The following SPMAP2L variants were observed in gnomAD, a reference collection of about 807,000 sequenced individuals.
SPMAP2L encodes the protein sperm microtubule associated protein 2-like.
chr4:56,594,708 T>C, the SPMAP2L span: 1 of 1,393,484 alleles, frequency 7.2e-7, no homozygotes, highest in Non-Finnish European at 1.0e-6. Flanking sequence ...CTCAAGGCCA[T>C]GGTGGATAAG....
chr4:56,584,220 A>G, the SPMAP2L span, among the ~76,000 whole-genome samples: 1 of 151,818 alleles, frequency 6.6e-6, no homozygotes, highest in African/African-American at 2.4e-5. Context: ...TCCCACCTCC[A>G]CCTTTCAAGG....
At chr4:56,543,231 C>T in the SPMAP2L span, among the ~76,000 whole-genome samples, 1 of 151,858 alleles carries the variant, frequency 6.6e-6, no homozygotes, top group Non-Finnish European at 1.5e-5. Context: ...CTACAGGCGC[C>T]CGCCACCACA....
At chr4:56,584,659 T>C in the SPMAP2L span, 1 of 1,228,606 alleles carries the variant, frequency 8.1e-7, no homozygotes, top group Non-Finnish European at 1.2e-6. Context: ...ACTTGTAACA[T>C]GCTGCCTACC....
At chr4:56,537,717 G>A in the SPMAP2L span, among the ~76,000 whole-genome samples, 2 of 150,890 alleles carry the variant, frequency 1.3e-5, no homozygotes, top group Admixed American at 6.6e-5. Context: ...TTTGAGACGA[G>A]TCTCGCTCTG....
the SPMAP2L span, among the ~76,000 whole-genome samples, chr4:56,605,910 T>C: frequency 2.0e-4 from 30 of 152,342 alleles, no homozygotes; most frequent in African/African-American, 6.7e-4. Context: ...GCTCTTCTTG[T>C]AACCATTTGT....
At chr4:56,531,054 G>A in the SPMAP2L span, 15 of 1,535,382 alleles carry the variant, frequency 9.8e-6, no homozygotes, top group South Asian at 1.7e-4. Context: ...ACACCCGTGA[G>A]CCCCGCAAGT....
chr4:56,619,417 A>G, the SPMAP2L span, among the ~76,000 whole-genome samples: 5 of 152,190 alleles, frequency 3.3e-5, no homozygotes. Flanking sequence ...AGTGGCTGGC[A>G]ACTACCATTC....
the SPMAP2L span, among the ~76,000 whole-genome samples, chr4:56,543,185 G>A: frequency 2.6e-5 from 4 of 151,520 alleles, no homozygotes; most frequent in Non-Finnish European, 5.9e-5. Flanking sequence ...CCGGGTTCAC[G>A]CCATTCTCCT....
At chr4:56,533,434 G>C in the SPMAP2L span, among the ~76,000 whole-genome samples, 1 of 152,118 alleles carries the variant, frequency 6.6e-6, no homozygotes, top group African/African-American at 2.4e-5. Flanking sequence ...TTTCCACCAT[G>C]AAATCTACCA....
At chr4:56,611,973 T>C in the SPMAP2L span, among the ~76,000 whole-genome samples, 1 of 152,204 alleles carries the variant, frequency 6.6e-6, no homozygotes, top group Admixed American at 6.5e-5. Context: ...TTCTGTCAAA[T>C]GCAAGTGTCT....
At chr4:56,593,239 A>G in the SPMAP2L span, 3 of 1,280,274 alleles carry the variant, frequency 2.3e-6, no homozygotes, top group Middle Eastern at 3.9e-4. Context: ...TGGCCAGTGC[A>G]TCCCTGCTGG....
the SPMAP2L span, among the ~76,000 whole-genome samples, chr4:56,531,903 A>G: frequency 6.6e-6 from 1 of 152,104 alleles, no homozygotes; most frequent in Non-Finnish European, 1.5e-5. Context: ...CCTCGATTCC[A>G]TGGTCTGCCA....
the SPMAP2L span, among the ~76,000 whole-genome samples, chr4:56,622,126 A>G: frequency 6.6e-6 from 1 of 152,222 alleles, no homozygotes; most frequent in African/African-American, 2.4e-5. Flanking sequence ...ATTTTTTGCT[A>G]AATTTTTCTG....
chr4:56,555,156 C>A, the SPMAP2L span, among the ~76,000 whole-genome samples: 8 of 152,028 alleles, frequency 5.3e-5, no homozygotes, highest in African/African-American at 1.9e-4. Context: ...TTAGGCTGGT[C>A]TCGAACTCCT....
At chr4:56,563,062 G>A in the SPMAP2L span, among the ~76,000 whole-genome samples, 21 of 144,138 alleles carry the variant, frequency 1.5e-4, no homozygotes, top group African/African-American at 5.3e-4. Flanking sequence ...GTTAATTACT[G>A]CATCTAAAGA....
chr4:56,615,896 T>G, the SPMAP2L span, among the ~76,000 whole-genome samples: 1 of 152,176 alleles, frequency 6.6e-6, no homozygotes, highest in Non-Finnish European at 1.5e-5. Flanking sequence ...GTGACCCTAA[T>G]GTGCCGCCAA....
chr4:56,612,727 C>T, the SPMAP2L span, among the ~76,000 whole-genome samples: 4,396 of 151,968 alleles, frequency 0.029, 216 homozygotes, highest in African/African-American at 0.1. Flanking sequence ...CCTCCACGCC[C>T]GGCTAATTTT....
the SPMAP2L span, among the ~76,000 whole-genome samples, chr4:56,556,744 G>A: frequency 3.3e-5 from 5 of 152,000 alleles, no homozygotes; most frequent in South Asian, 2.1e-4. Flanking sequence ...GTGGTGGCAC[G>A]CACCTGTAAT....
At chr4:56,566,977 G>A in the SPMAP2L span, among the ~76,000 whole-genome samples, 1 of 151,938 alleles carries the variant, frequency 6.6e-6, no homozygotes, top group South Asian at 2.1e-4. Context: ...TTACAGGCAT[G>A]AGCTACTGTG....
Sources: gnomAD v4.1 joint callset for allele counts (sites outside exome capture counted in the v4.1 genomes callset) on GRCh38, gnomAD v4.1.1 for gene constraint, MANE v1.5 for transcripts, NCBI Gene and HGNC (gene_info 2026-07-23, HGNC 2026-07-21) for gene names.